Variants in ZNF260 observed in about 807,000 individuals in gnomAD.
ZNF260 encodes the protein zinc finger protein 260.
ZNF260 carries 21 observed loss-of-function variants against 29.3 expected under a neutral mutation model. The observed-to-expected ratio is 0.72, with a 90% CI of 0.51 to 1.03. ZNF260 has a LOEUF of 1.03. Among genes scored for constraint, ZNF260 ranks in the 50% least tolerant of loss-of-function variants. The probability of loss-of-function intolerance (pLI) is 0.00; values close to 1 mark genes in which losing one functional copy is unlikely to be tolerated. For missense variants in ZNF260, 465 were observed against 487.8 expected (o/e 0.95, Z 0.44); for synonymous variants, 156 against 156.8 (o/e 0.99, Z 0.04).
chr19:36,517,866 C>T (rs1016244618), intron 2 of ZNF260, among the ~76,000 whole-genome samples: 9 of 150,686 alleles, frequency 6.0e-5, no homozygotes, highest in Non-Finnish European at 1.0e-4. Flanking sequence ...CGGAGTCTCG[C>T]TCTGTTGCCC....
Position 36,513,870 on chromosome 19 carries a change from T to A in ZNF260, c.*130A>T, listed in dbSNP as rs1568548777. 5.1e-6 allele frequency: 5 copies of A among 983,702 alleles called. No homozygotes were observed. The highest frequency in any genetic ancestry group is 7.4e-6 in the Non-Finnish European group (5 of 673,320). 60.9% of individuals were successfully genotyped at this position (983,702 alleles called of 1,614,324 possible). On this transcript the variant is annotated 3_prime_UTR_variant, in exon 3 of 3. Transcript: ENST00000523638. Reference sequence around the variant, plus strand: ...AATACTTATTAAACATCATAGTATTTAAGTTTTGAATTGCTGCTGAAGGAC... The same window carrying A: ...AATACTTATTAAACATCATAGTATTAAAGTTTTGAATTGCTGCTGAAGGAC...
intron 2 of ZNF260, among the ~76,000 whole-genome samples, chr19:36,523,040 C>T (rs575760675): frequency 6.6e-6 from 1 of 152,188 alleles, no homozygotes; most frequent in Admixed American, 6.5e-5. Context: ...GCTGACTACT[C>T]AACATTTCCA....
intron 2 of ZNF260, among the ~76,000 whole-genome samples, chr19:36,521,935 G>A (rs913921386): frequency 6.6e-6 from 1 of 151,714 alleles, no homozygotes; most frequent in South Asian, 2.1e-4. Context: ...TGTTATCCCA[G>A]CTACTTGGGA....
In ZNF260 at chr19:36,527,701, C is replaced by CTGGG. The variant is rs1427865025; in HGVS notation, c.-681+514_-681+517dup. On this transcript the variant is annotated intron_variant, in intron 1 of 2. Coordinates refer to ENST00000523638, the MANE Select transcript of ZNF260 (RefSeq NM_001166037.2). ...AAGTATTAAGAAAAGTCAATGCCTA[C>CTGGG]TGGGTGTACAGGCACCCAGTAACAA... 2.6e-5 allele frequency among the ~76,000 whole-genome samples: 4 copies of CTGGG among 152,184 alleles called. No homozygotes were observed. In the East Asian group the frequency reaches 7.7e-4, roughly 29 times the overall value.
Position 36,514,295 on chromosome 19 carries a change from CGA to C in ZNF260, c.942_943del (p.Arg315AsnfsTer14). 1 of 1,613,914 alleles carries C rather than the reference CGA, an allele frequency of 6.2e-7. No homozygotes were observed. Among genetic ancestry groups the C allele is most frequent in the Non-Finnish European group, 8.5e-7 (1 of 1,179,974 alleles). ...CACATGTACAATAAGTGATGTGATT[CGA>C]GAGAAGGCTTTTCCACATTTATTAC... On this transcript the variant is annotated frameshift_variant, in exon 3 of 3. Transcript: ENST00000523638. LOFTEE classifies it high-confidence loss of function.
chr19:36,518,329 G>C (rs2034587093), intron 2 of ZNF260, among the ~76,000 whole-genome samples: 1 of 152,062 alleles, frequency 6.6e-6, no homozygotes, highest in Non-Finnish European at 1.5e-5. Flanking sequence ...AACATCAAAG[G>C]CAGATCAAAC....
At chr19:36,522,324 C>T (rs1369394665) in intron 2 of ZNF260, among the ~76,000 whole-genome samples, 1 of 151,200 alleles carries the variant, frequency 6.6e-6, no homozygotes, top group Non-Finnish European at 1.5e-5. Context: ...GGCGTGGTGA[C>T]ATGTTCCTGT....
intron 2 of ZNF260, among the ~76,000 whole-genome samples, chr19:36,519,460 C>T (rs1202569937): frequency 1.3e-5 from 2 of 152,082 alleles, no homozygotes; most frequent in South Asian, 2.1e-4. Context: ...CATTTCAGAA[C>T]CCCGTTAGTA....
chr19:36,521,080 CAA>C (rs767618733), intron 2 of ZNF260, among the ~76,000 whole-genome samples: 27 of 108,484 alleles, frequency 2.5e-4, no homozygotes, highest in Non-Finnish European at 2.8e-4. Context: ...GACCTTGTCT[CAA>C]AAAAAAAAAA....
rs1010762458 is a variant in ZNF260, at chr19:36,514,560, T to C, written c.679A>G (p.Lys227Glu). 6.2e-7 allele frequency: 1 copy of C among 1,614,138 alleles called. No individual in the cohort carries two copies. The highest frequency in any genetic ancestry group is 1.3e-5 in the African/African-American group (1 of 75,040). The change falls in exon 3 of 3, where the codon AAA (lysine) becomes GAA (glutamate). Residue 227 changes from lysine to glutamate, a missense_variant. Coordinates refer to ENST00000523638, the MANE Select transcript of ZNF260 (RefSeq NM_001166037.2). ...EKPYECKGCG[K>E]AFIQKSSLIR... ...AGGCTTGACTTCTGAATGAAAGCTT[T>C]CCCACACCCTTTACATTCATAAGGT... is the stretch of plus-strand genomic sequence containing the variant.
chr19:36,522,471 T>TA (rs2034662457), intron 2 of ZNF260, among the ~76,000 whole-genome samples: 1 of 151,592 alleles, frequency 6.6e-6, no homozygotes, highest in Admixed American at 6.6e-5. Flanking sequence ...AATAAATAAA[T>TA]AAATAAAATA....
Position 36,524,517 on chromosome 19 carries a change from G to GTTTTTTTTTTTTT in ZNF260, c.-462+625_-462+637dup, listed in dbSNP as rs61184857. Among the ~76,000 whole-genome samples, 332 of 90,828 alleles carry GTTTTTTTTTTTTT rather than the reference G, an allele frequency of 3.7e-3. 13 individuals carry two copies. Among genetic ancestry groups the GTTTTTTTTTTTTT allele is most frequent in the African/African-American group, 7.0e-3 (173 of 24,732 alleles). 59.6% of individuals were successfully genotyped at this position (90,828 alleles called of 152,430 possible). The stretch of plus-strand genomic sequence containing the variant: ...TTTAAAGAAAATAACTTACATGCTA[G>GTTTTTTTTTTTTT]TTTTTTTTTTTTTTTTTATTGATCA... On this transcript the variant is annotated intron_variant, in intron 2 of 2. Coordinates refer to ENST00000523638, the MANE Select transcript of ZNF260 (RefSeq NM_001166037.2).
At chr19:36,517,640 G>A (rs1297349858) in intron 2 of ZNF260, among the ~76,000 whole-genome samples, 1 of 152,094 alleles carries the variant, frequency 6.6e-6, no homozygotes, top group East Asian at 1.9e-4. Context: ...GGACAGAAAT[G>A]TGAAGTTTAT....
In ZNF260 at chr19:36,514,466, C is replaced by A. The variant is rs771743067; in HGVS notation, c.773G>T (p.Ser258Ile). ...ATGCTCTGTGAGATTTGACTTGCCA[C>A]TGAAGGCTTTCCCACATTCCTTACA... is the stretch of plus-strand genomic sequence containing the variant. The part of the protein sequence containing the change: ...YTCKECGKAF[S>I]GKSNLTEHEK... Residue 258 changes from serine (S) to isoleucine (I), a missense_variant, in exon 3 of 3, where the codon AGT becomes ATT. Physicochemically the swap from Ser to Ile is moderately radical, Grantham distance 142 (BLOSUM62 -2). Transcript: ENST00000523638. 7 of 1,613,674 alleles carry A rather than the reference C, an allele frequency of 4.3e-6. No individual in the cohort carries two copies. In the South Asian group the frequency reaches 7.7e-5, roughly 18 times the overall value.
chr19:36,526,922 A>C (rs1262350277), intron 1 of ZNF260, among the ~76,000 whole-genome samples: 1 of 152,220 alleles, frequency 6.6e-6, no homozygotes, highest in African/African-American at 2.4e-5. Flanking sequence ...CTTACTTAGA[A>C]GCCTTCTCTA....
At position 36,516,814 on chromosome 19, in the gene ZNF260, G is replaced by A. The variant is rs184741197; in HGVS notation, c.-461-1115C>T. On this transcript the variant is annotated intron_variant, in intron 2 of 2. Transcript: ENST00000523638. ...AGGGTGGTCTCGATCTCCTGACCTCGTGATCTGCCCGCCTTGGCCTCCCAA... is the reference window on the plus strand; with the variant it reads ...AGGGTGGTCTCGATCTCCTGACCTCATGATCTGCCCGCCTTGGCCTCCCAA... 1.3e-3 allele frequency among the ~76,000 whole-genome samples: 204 copies of A among 152,198 alleles called. 1 individual carries two copies. The highest frequency in any genetic ancestry group is 4.5e-3 in the African/African-American group (188 of 41,520).
intron 2 of ZNF260, among the ~76,000 whole-genome samples, chr19:36,524,530 T>TTTTTTTTTTTTTTTTTTA (rs1329120154): frequency 8.6e-6 from 1 of 115,666 alleles, no homozygotes; most frequent in African/African-American, 3.0e-5. Context: ...TTTTTTTTTT[T>TTTTTTTTTTTTTTTTTTA]TTTTATTGAT....
chr19:36,513,465 A>C lies in ZNF260; in HGVS notation c.*535T>G. ...CATATGAAGAGTCAATTAATTTTTA[A>C]GTAATCCATGATTTCCCCACCAATC... On this transcript the variant is annotated 3_prime_UTR_variant, in exon 3 of 3. Transcript: ENST00000523638. 1 of 328,590 alleles carries C rather than the reference A, an allele frequency of 3.0e-6. No homozygotes were observed. The highest frequency in any genetic ancestry group is 4.7e-5 in the East Asian group (1 of 21,286). 20.4% of individuals were successfully genotyped at this position (328,590 alleles called of 1,614,324 possible). A position where few individuals can be genotyped will look rare whatever the true frequency, so the allele number is the denominator to read the frequency against.
At chr19:36,517,119 G>A (rs2034564411) in intron 2 of ZNF260, among the ~76,000 whole-genome samples, 1 of 152,138 alleles carries the variant, frequency 6.6e-6, no homozygotes, top group Non-Finnish European at 1.5e-5. Flanking sequence ...GGAGGACTAG[G>A]GATAGTGGCT....
Sources: gnomAD v4.1 joint callset for allele counts (sites outside exome capture counted in the v4.1 genomes callset) on GRCh38, gnomAD v4.1.1 for gene constraint, MANE v1.5 for transcripts, NCBI Gene and HGNC (gene_info 2026-07-23, HGNC 2026-07-21) for gene names.